BCAS3: variants seen among roughly 807,000 people sequenced by gnomAD.
BCAS3 encodes BCAS3 microtubule associated cell migration factor.
BCAS3 carries 53 observed loss-of-function variants against 116.1 expected under a neutral mutation model. That is an observed-to-expected ratio of 0.46 (90% CI 0.37 to 0.57). BCAS3 has a LOEUF of 0.57. BCAS3 is among the 20% of genes least tolerant of loss of function. The pLI is 0.00. For synonymous variants in BCAS3, 391 were observed against 408.2 expected, an observed-to-expected ratio of 0.96 and a Z score of 0.51; for missense variants, 917 against 1,165.4, an observed-to-expected ratio of 0.79 and a Z score of 3.10.
At chr17:61,273,896 C>T (rs866164518) in intron 22 of BCAS3, among the ~76,000 whole-genome samples, 2 of 150,108 alleles carry the variant, frequency 1.3e-5, no homozygotes, top group African/African-American at 2.4e-5. Flanking sequence ...ATATATCTCC[C>T]GTTTCCTATC....
At chr17:61,312,596 C>T (rs2054400552) in intron 22 of BCAS3, among the ~76,000 whole-genome samples, 1 of 152,166 alleles carries the variant, frequency 6.6e-6, no homozygotes, top group Non-Finnish European at 1.5e-5. Flanking sequence ...AGGAAAATCC[C>T]ACTCACCATT....
At chr17:61,331,620 C>A (rs1005412230) in intron 22 of BCAS3, among the ~76,000 whole-genome samples, 7 of 152,044 alleles carry the variant, frequency 4.6e-5, no homozygotes. Flanking sequence ...GGGTGAGACC[C>A]CATCTCTATT....
rs1016045261 is a variant in BCAS3 at position 61,132,360 on chromosome 17, C to T, written c.2425+47796C>T. On this transcript the variant is annotated intron_variant, in intron 22 of 23. Transcript: ENST00000407086. The surrounding 1 kb of genome is among the most constrained non-coding windows in gnomAD (Gnocchi z 5.1). ...AAAACTACTTGAGTATAGGTGAGAACTTGACAGATAATTATGGTTGCTTGA... is the reference window on the plus strand; with the variant it reads ...AAAACTACTTGAGTATAGGTGAGAATTTGACAGATAATTATGGTTGCTTGA... Among the ~76,000 whole-genome samples, 1 of 152,146 alleles carries T rather than the reference C, an allele frequency of 6.6e-6. No individual in the cohort carries two copies. Among genetic ancestry groups the T allele is most frequent in the Non-Finnish European group, 1.5e-5 (1 of 68,016 alleles).
chr17:60,924,518 CTTTTTT>C lies in BCAS3; in HGVS notation c.1087+31_1087+36del. 31 of 1,099,722 alleles carry C rather than the reference CTTTTTT, an allele frequency of 2.8e-5. No homozygotes were observed. The highest frequency in any genetic ancestry group is 7.9e-5 in the East Asian group (3 of 37,952). The allele number at this position is 1,099,722 out of a possible 1,614,324, so 68.1% of individuals were successfully genotyped here. A position where few individuals can be genotyped will look rare whatever the true frequency, so the allele number is the denominator to read the frequency against. ...TACAAGTGGTAAGTTCGCTCTCTGT[CTTTTTT>C]TTTTTTTTTTTTGTAGACCATTTAT... On this transcript the variant is annotated intron_variant, in intron 13 of 23. Coordinates refer to ENST00000407086, the MANE Select transcript of BCAS3 (RefSeq NM_017679.5).
In BCAS3 at chr17:60,990,257, G is replaced by C; in HGVS notation, c.1486+22G>C. ...CATGGTAATTTTCTCTGTCTCCACT[G>C]TTATCTTGAATCTTCCTTCCCTTTG... On this transcript the variant is annotated intron_variant, in intron 15 of 23. Coordinates refer to ENST00000407086, the MANE Select transcript of BCAS3 (RefSeq NM_017679.5). This position sits in a 1 kb window ranked among gnomAD's most constrained non-coding sequence, Gnocchi z 5.1. 6.2e-7 allele frequency: 1 copy of C among 1,606,434 alleles called. No individual in the cohort carries two copies. Among genetic ancestry groups the C allele is most frequent in the Non-Finnish European group, 8.5e-7 (1 of 1,174,244 alleles).
rs933288540 is a variant in BCAS3 at position 61,188,265 on chromosome 17, T to G, written c.2425+103701T>G. Among the ~76,000 whole-genome samples, 2 of 152,228 alleles carry G rather than the reference T, an allele frequency of 1.3e-5. No homozygotes were observed. The highest frequency in any genetic ancestry group is 4.8e-5 in the African/African-American group (2 of 41,464). On this transcript the variant is annotated intron_variant, in intron 22 of 23. Coordinates refer to ENST00000407086, the MANE Select transcript of BCAS3 (RefSeq NM_017679.5). The surrounding 1 kb of genome is among the most constrained non-coding windows in gnomAD (Gnocchi z 4.0). ...TTAAGGATCTATTGAGTTGGTACCC[T>G]GATACCTGAAACCTCCTACTTCTCT...
chr17:60,688,017 C>T (rs1276436518), intron 3 of BCAS3: 3 of 152,140 alleles, frequency 2.0e-5, no homozygotes, highest in East Asian at 3.8e-4. Flanking sequence ...GCATATCACT[C>T]AGAAATCAAA....
intron 19 of BCAS3, among the ~76,000 whole-genome samples, chr17:61,067,734 A>T (rs992706462): frequency 2.7e-4 from 37 of 139,372 alleles, no homozygotes; most frequent in African/African-American, 1.1e-3. Context: ...AACAAAAAAA[A>T]AAAAAAATAT....
In BCAS3 at chr17:61,316,135, A is replaced by G. The variant is rs1461315663; in HGVS notation, c.2426-52192A>G. Among the ~76,000 whole-genome samples, 1 of 151,798 alleles carries G rather than the reference A, an allele frequency of 6.6e-6. No homozygotes were observed. Among genetic ancestry groups the G allele is most frequent in the African/African-American group, 2.4e-5 (1 of 41,308 alleles). On this transcript the variant is annotated intron_variant, in intron 22 of 23. Transcript: ENST00000407086. This position sits in a 1 kb window ranked among gnomAD's most constrained non-coding sequence, Gnocchi z 5.8. ...GCCTGGCCAACATGGCGAAACCCCC[A>G]TCTCTACTAAAAATTACAAAATTAG... is the stretch of plus-strand genomic sequence containing the variant.
At position 61,189,979 on chromosome 17, in the gene BCAS3, C is replaced by A. The variant is rs940130789; in HGVS notation, c.2425+105415C>A. ...AAATCAGCAAAATATTACAGACTAGCATAGGATAATTTGTACAGAATTAAC... is the reference window on the plus strand; with the variant it reads ...AAATCAGCAAAATATTACAGACTAGAATAGGATAATTTGTACAGAATTAAC... On this transcript the variant is annotated intron_variant, in intron 22 of 23. Coordinates refer to ENST00000407086, the MANE Select transcript of BCAS3 (RefSeq NM_017679.5). The surrounding 1 kb of genome is among the most constrained non-coding windows in gnomAD (Gnocchi z 4.5). Among the ~76,000 whole-genome samples, 2 of 152,106 alleles carry A rather than the reference C, an allele frequency of 1.3e-5. No homozygotes were observed. Among genetic ancestry groups the A allele is most frequent in the African/African-American group, 4.8e-5 (2 of 41,408 alleles).
chr17:61,042,840 A>G (rs1217119448), intron 19 of BCAS3, among the ~76,000 whole-genome samples: 1 of 144,946 alleles, frequency 6.9e-6, no homozygotes, highest in Non-Finnish European at 1.5e-5. Flanking sequence ...CAGTGAGCCA[A>G]GATCACGCCC....
chr17:61,108,881 T>TA (rs1337835126), intron 22 of BCAS3, among the ~76,000 whole-genome samples: 1 of 152,106 alleles, frequency 6.6e-6, no homozygotes, highest in Non-Finnish European at 1.5e-5. Context: ...ATTCCTGAGT[T>TA]ACTTCACTTA....
Position 61,008,436 on chromosome 17 carries a change from A to G in BCAS3, c.1487-7315A>G, listed in dbSNP as rs1231106278. 4.6e-5 allele frequency among the ~76,000 whole-genome samples: 7 copies of G among 152,012 alleles called. No homozygotes were observed. Among genetic ancestry groups the G allele is most frequent in the Admixed American group, 2.0e-4 (3 of 15,240 alleles). Reference sequence around the variant, plus strand: ...TTGAGAGTTTGGTTGAAAAAACTTTAATGTTAAATTGGATGGCAAGCAAGA... The same window carrying G: ...TTGAGAGTTTGGTTGAAAAAACTTTGATGTTAAATTGGATGGCAAGCAAGA... On this transcript the variant is annotated intron_variant, in intron 15 of 23. Coordinates refer to ENST00000407086, the MANE Select transcript of BCAS3 (RefSeq NM_017679.5). This position sits in a 1 kb window ranked among gnomAD's most constrained non-coding sequence, Gnocchi z 4.6.
In BCAS3 at chr17:61,366,711, C is replaced by A. The variant is rs1406258927; in HGVS notation, c.2426-1616C>A. ...CCTGACAAGCTGATCCCAAGCAACC[C>A]ACTCCTAAGGTGGGCCTCTTCTTGG... On this transcript the variant is annotated intron_variant, in intron 22 of 23. Transcript: ENST00000407086. The surrounding 1 kb of genome is among the most constrained non-coding windows in gnomAD (Gnocchi z 4.5). 6.6e-6 allele frequency among the ~76,000 whole-genome samples: 1 copy of A among 152,208 alleles called. No homozygotes were observed. The highest frequency in any genetic ancestry group is 1.5e-5 in the Non-Finnish European group (1 of 68,042).
intron 23 of BCAS3, chr17:61,384,764 G>A (rs2059766215): frequency 6.6e-6 from 1 of 152,302 alleles, no homozygotes; most frequent in African/African-American, 2.4e-5. Flanking sequence ...TCCTTTCTCA[G>A]TCCCTGCTAG....
Position 61,337,597 on chromosome 17 carries a change from G to A in BCAS3, c.2426-30730G>A, listed in dbSNP as rs2056826668. Reference sequence around the variant, plus strand: ...CAAATTCCATGTGAACAGCCTCTGCGTCTGTTACTCTCCGAAGAAAATTAC... The same window carrying A: ...CAAATTCCATGTGAACAGCCTCTGCATCTGTTACTCTCCGAAGAAAATTAC... On this transcript the variant is annotated intron_variant, in intron 22 of 23. Coordinates refer to ENST00000407086, the MANE Select transcript of BCAS3 (RefSeq NM_017679.5). This position sits in a 1 kb window ranked among gnomAD's most constrained non-coding sequence, Gnocchi z 4.8. Among the ~76,000 whole-genome samples the A allele has an allele frequency of 6.6e-6, 1 of 152,124 alleles. No individual in the cohort carries two copies.
intron 22 of BCAS3, among the ~76,000 whole-genome samples, chr17:61,176,316 T>TTA (rs2079142971): frequency 6.7e-6 from 1 of 148,952 alleles, no homozygotes; most frequent in African/African-American, 2.4e-5. Flanking sequence ...TTTTCTGACT[T>TTA]TATATATAGA....
chr17:60,915,714 A>G (rs2083809), intron 12 of BCAS3, among the ~76,000 whole-genome samples: 147,951 of 148,270 alleles, frequency 1, 73,817 homozygotes, highest in Middle Eastern at 1. Flanking sequence ...ACAGAGTCTC[A>G]CTCTGTCGCC....
At chr17:60,748,609 G>T (rs1028570920) in intron 6 of BCAS3, among the ~76,000 whole-genome samples, 1 of 152,154 alleles carries the variant, frequency 6.6e-6, no homozygotes, top group Non-Finnish European at 1.5e-5. Context: ...CTGTTTCTCT[G>T]TGTGTAATTC....
Sources: gnomAD v4.1 joint callset for allele counts (sites outside exome capture counted in the v4.1 genomes callset) on GRCh38, gnomAD v4.1.1 for gene constraint, Gnocchi (gnomAD v3.1) non-coding constraint, MANE v1.5 for transcripts, NCBI Gene and HGNC (gene_info 2026-07-23, HGNC 2026-07-21) for gene names.